C6: variants seen among roughly 807,000 people sequenced by gnomAD.
The protein encoded by C6 is complement component C6.
Under a neutral mutation model 112.9 loss-of-function variants are expected in C6, and 101 were observed. The ratio of observed to expected loss-of-function variants is 0.89; its 90% CI spans 0.76 to 1.06. The LOEUF (loss-of-function observed/expected upper bound fraction) is 1.06. Ranked by LOEUF, C6 falls within the 50% of genes least tolerant of loss-of-function variation. The pLI, the probability that C6 is intolerant of heterozygous loss-of-function variation, is 0.00. For missense variants in C6, 1,202 were observed against 1,104.6 expected (o/e 1.09, Z -1.25); for synonymous variants, 431 against 384.1 (o/e 1.12, Z -1.43).
Position 41,155,107 on chromosome 5 carries a change from T to G in C6, c.1969-3A>C. ...ACCAAGTATAGTTGCTTTTCATTCTTAATTAAAGCAGAAACCAGAAATTAT... is the reference window on the plus strand; with the variant it reads ...ACCAAGTATAGTTGCTTTTCATTCTGAATTAAAGCAGAAACCAGAAATTAT... On this transcript the variant is annotated splice_region_variant and splice_polypyrimidine_tract_variant and intron_variant, in intron 13 of 17. Coordinates refer to ENST00000337836, the MANE Select transcript of C6 (RefSeq NM_000065.5). 3.1e-6 allele frequency: 5 copies of G among 1,612,318 alleles called. No individual in the cohort carries two copies. The highest frequency in any genetic ancestry group is 4.2e-6 in the Non-Finnish European group (5 of 1,178,502).
At chr5:41,149,543 T>C (rs1214825613) in intron 16 of C6, 61 bp from the exon 17 acceptor site, 1 of 1,602,516 alleles carries the variant, frequency 6.2e-7, no homozygotes, top group Non-Finnish European at 8.5e-7. Context: ...AGGGGGCACG[T>C]AGCCAATGTA....
chr5:41,186,578 T>G (rs1749785900), intron 5 of C6, among the ~76,000 whole-genome samples: 1 of 152,146 alleles, frequency 6.6e-6, no homozygotes, highest in South Asian at 2.1e-4. Flanking sequence ...TCTACTTCTT[T>G]CTGAGTGGAA....
In C6 at chr5:41,186,103, A is replaced by G. The variant is rs749273337; in HGVS notation, c.693T>C (p.Arg231=). The G allele has an allele frequency of 6.8e-6, 11 of 1,614,002 alleles. No homozygotes were observed. Among genetic ancestry groups the G allele is most frequent in the East Asian group, 2.2e-5 (1 of 44,866 alleles). Residue 231 remains arginine (R), a synonymous_variant, in exon 6 of 18, where the codon CGT becomes CGC. Transcript: ENST00000337836. Reference sequence around the variant, plus strand: ...CGACATTTTCCAGATTGGCCGGAACACGGTATGGATTACTTGTCCTACTGC... The same window carrying G: ...CGACATTTTCCAGATTGGCCGGAACGCGGTATGGATTACTTGTCCTACTGC... ...VKSSRTSNPY[R]VPANLENVGF...
chr5:41,234,406 T>A (rs188531364), intron 1 of C6, among the ~76,000 whole-genome samples: 2 of 148,156 alleles, frequency 1.3e-5, no homozygotes, highest in East Asian at 2.0e-4. Context: ...ACTTAGGGAA[T>A]GGAAATCATT....
chr5:41,176,494 A>G lies in C6; in HGVS notation c.1149T>C (p.Ser383=), dbSNP rs1157565690. ...GVYDLLYQFS[S]EELKNSGLTE... is the part of the protein sequence containing the mutation. ...AGTTACCTGAGTTCTTTAGTTCCTC[A>G]CTGCTAAACTGATAGAGAAGGTCAT... is the stretch of plus-strand genomic sequence containing the variant. The change falls in exon 8 of 18, where the codon AGT becomes AGC. Residue 383 remains serine (S), a synonymous_variant. Coordinates refer to ENST00000337836, the MANE Select transcript of C6 (RefSeq NM_000065.5). 3 of 1,613,354 alleles carry G rather than the reference A, an allele frequency of 1.9e-6. No individual in the cohort carries two copies. The highest frequency in any genetic ancestry group is 1.3e-5 in the African/African-American group (1 of 74,888).
In C6 at chr5:41,160,206, C is replaced by G. The variant is rs113828365; in HGVS notation, c.1620G>C (p.Leu540=). 1 of 1,613,938 alleles carries G rather than the reference C, an allele frequency of 6.2e-7. No homozygotes were observed. Residue 540 remains leucine, a synonymous_variant, in exon 11 of 18, where the codon CTG becomes CTC. Transcript: ENST00000337836. The part of the protein sequence containing the change: ...GRPTLSGTEC[L]CVCQSGTYGE... The stretch of plus-strand genomic sequence containing the variant: ...CATAGGTGCCACTCTGACACACACA[C>G]AGACATTCAGTCCCTGAGAGGGTGG...
chr5:41,207,624 A>G (rs966450859), intron 1 of C6, among the ~76,000 whole-genome samples: 1 of 152,212 alleles, frequency 6.6e-6, no homozygotes, highest in Non-Finnish European at 1.5e-5. Context: ...ATCAAAAGAG[A>G]CAAAGAAGGC....
intron 1 of C6, among the ~76,000 whole-genome samples, chr5:41,224,567 T>A (rs1739370934): frequency 6.6e-6 from 1 of 152,168 alleles, no homozygotes; most frequent in Non-Finnish European, 1.5e-5. Flanking sequence ...ATGTTGACCA[T>A]GTATTAGTAT....
chr5:41,235,374 A>G (rs1401723465), intron 1 of C6, among the ~76,000 whole-genome samples: 2 of 144,674 alleles, frequency 1.4e-5, no homozygotes, highest in Non-Finnish European at 3.0e-5. Context: ...ATGGTTTCCA[A>G]TTTCATCCAT....
chr5:41,183,860 A>T (rs1309142547), intron 6 of C6, among the ~76,000 whole-genome samples: 3 of 152,118 alleles, frequency 2.0e-5, no homozygotes, highest in Non-Finnish European at 4.4e-5. Context: ...CCATTATCCT[A>T]AGCAAATTAA....
intron 6 of C6, among the ~76,000 whole-genome samples, chr5:41,183,361 C>A (rs1749506335): frequency 6.6e-6 from 1 of 151,720 alleles, no homozygotes; most frequent in Non-Finnish European, 1.5e-5. Context: ...GTGTTTTGAC[C>A]AACAAATATA....
chr5:41,233,438 A>G (rs1740032537), intron 1 of C6, among the ~76,000 whole-genome samples: 1 of 152,104 alleles, frequency 6.6e-6, no homozygotes, highest in African/African-American at 2.4e-5. Context: ...AACTCTAAGG[A>G]AGGCATAATT....
At chr5:41,206,638 C>A (rs1471068216) in intron 1 of C6, among the ~76,000 whole-genome samples, 1 of 151,902 alleles carries the variant, frequency 6.6e-6, no homozygotes, top group African/African-American at 2.4e-5. Flanking sequence ...GATTGAAGAT[C>A]AAATGAATGA....
At chr5:41,213,654 T>C (rs1293695827), upstream of C6, 3 of 549,322 alleles carry the variant, frequency 5.5e-6, no homozygotes, top group African/African-American at 4.1e-5. Flanking sequence ...GTCCTGAATT[T>C]TCAGTGAGTT....
At chr5:41,202,547 G>A (rs910737972) in intron 2 of C6, among the ~76,000 whole-genome samples, 1 of 152,160 alleles carries the variant, frequency 6.6e-6, no homozygotes, top group Non-Finnish European at 1.5e-5. Flanking sequence ...CCCCTAACAT[G>A]TGAGCATTTC....
chr5:41,235,092 A>G (rs1230769933), intron 1 of C6, among the ~76,000 whole-genome samples: 1 of 105,476 alleles, frequency 9.5e-6, no homozygotes, highest in African/African-American at 3.4e-5. Flanking sequence ...TTTTTTTATT[A>G]TACTTTAAGT....
rs1359174436 is a variant in C6, at chr5:41,235,154, C to A, written c.-21+26040G>T. On this transcript the variant is annotated intron_variant, in intron 1 of 17. Coordinates refer to the C6 transcript ENST00000263413. ...GGTTAGTTACATATGCATACATGTG[C>A]CATGCTGGTGCGCTGCACCCACTAA... Among the ~76,000 whole-genome samples the A allele has an allele frequency of 1.9e-4, 28 of 145,114 alleles. 1 individual carries two copies. The Admixed American group carries it at 1.9e-3, about 10-fold the overall frequency.
chr5:41,214,248 C>G (rs1227004258), upstream of C6, among the ~76,000 whole-genome samples: 1 of 152,148 alleles, frequency 6.6e-6, no homozygotes, highest in Non-Finnish European at 1.5e-5. Context: ...GAACACTGGT[C>G]CCTCATTTGT....
At chr5:41,197,335 C>T (rs1750691100) in intron 4 of C6, among the ~76,000 whole-genome samples, 1 of 152,156 alleles carries the variant, frequency 6.6e-6, no homozygotes, top group South Asian at 2.1e-4. Flanking sequence ...CATCCCATGA[C>T]TTAACCTGAA....
Sources: allele counts gnomAD v4.1 joint callset (sites outside exome capture counted in the v4.1 genomes callset), GRCh38; gene constraint gnomAD v4.1.1; transcripts MANE v1.5; gene names NCBI Gene and HGNC (gene_info 2026-07-23, HGNC 2026-07-21).